AOAH: variants seen among roughly 807,000 people sequenced by gnomAD.
AOAH encodes acyloxyacyl hydrolase (neutrophil).
AOAH carries 64 observed loss-of-function variants against 92.2 expected under a neutral mutation model. That is an observed-to-expected ratio of 0.69 (90% confidence interval 0.57 to 0.86). The LOEUF is 0.86. Among genes scored for constraint, AOAH ranks in the 40% least tolerant of loss-of-function variants. The pLI, the probability that AOAH is intolerant of heterozygous loss-of-function variation, is 0.00. For missense variants in AOAH, 656 were observed against 694.6 expected (o/e 0.94, Z 0.62); for synonymous variants, 263 against 254.5 (o/e 1.03, Z -0.32).
chr7:36,644,817 A>C lies in AOAH; in HGVS notation c.391-6907T>G, dbSNP rs192777874. ...CCTTTGTTCACTTCACACATTTGAC[A>C]GCAGTGACAGATTCTCACAAAGGAG... On this transcript the variant is annotated intron_variant, in intron 4 of 20. Coordinates refer to ENST00000617537, the MANE Select transcript of AOAH (RefSeq NM_001637.4). Among the ~76,000 whole-genome samples, 98 of 151,560 alleles carry C rather than the reference A, an allele frequency of 6.5e-4. 2 individuals carry two copies. In the East Asian group the frequency reaches 0.015, roughly 23 times the overall value.
At chr7:36,547,812 G>A (rs894787703) in intron 15 of AOAH, among the ~76,000 whole-genome samples, 1 of 152,156 alleles carries the variant, frequency 6.6e-6, no homozygotes, top group African/African-American at 2.4e-5. Flanking sequence ...ACCAATACCA[G>A]CAGTTTAGCA....
intron 1 of AOAH, among the ~76,000 whole-genome samples, chr7:36,719,906 A>G (rs1301290549): frequency 6.6e-6 from 1 of 151,676 alleles, no homozygotes; most frequent in Non-Finnish European, 1.5e-5. Flanking sequence ...ACTGCACTGT[A>G]GCCTGGGTGA....
chr7:36,517,226 G>GTCTGTC (rs1783819609), intron 20 of AOAH, among the ~76,000 whole-genome samples: 1 of 121,454 alleles, frequency 8.2e-6, no homozygotes, highest in African/African-American at 4.2e-5. Context: ...CTTTCTTTCT[G>GTCTGTC]TCTCTCTCTC....
intron 15 of AOAH, among the ~76,000 whole-genome samples, chr7:36,543,947 C>CTTTCTTTTTTTTTTTT (rs55745823): frequency 1.9e-4 from 17 of 91,006 alleles, no homozygotes; most frequent in African/African-American, 2.6e-4. Context: ...TTCTTTCTTT[C>CTTTCTTTTTTTTTTTT]TTTTTTTTTT....
intron 12 of AOAH, among the ~76,000 whole-genome samples, chr7:36,591,799 G>A (rs116616977): frequency 0.011 from 1,692 of 152,326 alleles, 30 homozygotes; most frequent in African/African-American, 0.039. Context: ...GGAGCTAAGT[G>A]TGGGTCAAGT....
intron 3 of AOAH, among the ~76,000 whole-genome samples, chr7:36,659,619 G>C (rs1215576734): frequency 6.6e-6 from 1 of 152,194 alleles, no homozygotes; most frequent in East Asian, 1.9e-4. Context: ...ATATTTTGAA[G>C]TTTGGGCCTT....
intron 12 of AOAH, among the ~76,000 whole-genome samples, chr7:36,579,449 C>G (rs1489800282): frequency 2.0e-5 from 3 of 151,526 alleles, no homozygotes; most frequent in East Asian, 3.9e-4. Context: ...TGTTATACAA[C>G]AATAACATAA....
chr7:36,567,840 G>A lies in AOAH; in HGVS notation c.1021+8734C>T, dbSNP rs562468284. Among the ~76,000 whole-genome samples, 25 of 152,268 alleles carry A rather than the reference G, an allele frequency of 1.6e-4. No homozygotes were observed. In the South Asian group the frequency reaches 1.9e-3, roughly 11 times the overall value. On this transcript the variant is annotated intron_variant, in intron 13 of 20. Transcript: ENST00000617537. ...GCAGCAGGATGGACTGCTCCCTCAC[G>A]TCTACTCTTGTTAGGATATCTCCCA...
chr7:36,582,857 T>A (rs541075811), intron 12 of AOAH, among the ~76,000 whole-genome samples: 5 of 151,876 alleles, frequency 3.3e-5, no homozygotes, highest in African/African-American at 9.7e-5. Flanking sequence ...TGTCTTTTTT[T>A]TTTTTGAGAC....
At chr7:36,559,612 T>C (rs923926836) in intron 13 of AOAH, among the ~76,000 whole-genome samples, 2 of 152,184 alleles carry the variant, frequency 1.3e-5, no homozygotes, top group African/African-American at 4.8e-5. Context: ...TTTTTGCTTG[T>C]TCAATTGTTT....
In AOAH at chr7:36,548,662, G is replaced by A. The variant is rs771330994; in HGVS notation, c.1083C>T (p.Asp361=). 7 of 1,613,618 alleles carry A rather than the reference G, an allele frequency of 4.3e-6. No homozygotes were observed. The highest frequency in any genetic ancestry group is 1.7e-5 in the Admixed American group (1 of 59,990). The change falls in exon 15 of 21, where the codon GAC becomes GAT. Residue 361 remains aspartate, a synonymous_variant. Coordinates refer to ENST00000617537, the MANE Select transcript of AOAH (RefSeq NM_001637.4). ...TGGCATATATAACGATGGCGGGATA[G>A]TCCAACACCTTGTTTCTAGACAAGC... is the stretch of plus-strand genomic sequence containing the variant. ...IESLSRNKVL[D]YPAIVIYAMI... is the part of the protein sequence containing the mutation.
chr7:36,569,567 A>ATATCTATCTATC (rs56357618), intron 13 of AOAH, among the ~76,000 whole-genome samples: 156 of 143,392 alleles, frequency 1.1e-3, no homozygotes, highest in East Asian at 2.1e-3. Flanking sequence ...CCAGATTTAC[A>ATATCTATCTATC]TATCTATCTA....
At chr7:36,543,878 A>T (rs1445396482) in intron 15 of AOAH, among the ~76,000 whole-genome samples, 1 of 151,922 alleles carries the variant, frequency 6.6e-6, no homozygotes, top group Non-Finnish European at 1.5e-5. Context: ...CCCAGATGCC[A>T]TAGAAGGTGG....
chr7:36,579,088 G>A (rs754272380), intron 12 of AOAH, among the ~76,000 whole-genome samples: 1 of 152,112 alleles, frequency 6.6e-6, no homozygotes, highest in Non-Finnish European at 1.5e-5. Flanking sequence ...AGTACCAACA[G>A]GGATGGTGCT....
intron 18 of AOAH, 175 bp from the exon 19 acceptor site, chr7:36,530,689 T>C: frequency 1.8e-6 from 1 of 549,548 alleles, no homozygotes; most frequent in South Asian, 2.5e-5. Flanking sequence ...AAATGGCCAG[T>C]GAACATGAGA....
chr7:36,521,654 G>A (rs10269672), intron 20 of AOAH, among the ~76,000 whole-genome samples: 7 of 150,870 alleles, frequency 4.6e-5, no homozygotes, highest in South Asian at 2.1e-4. Flanking sequence ...AAAAATCCTC[G>A]TCATTTTCCT....
chr7:36,517,156 G>GTCTGTCTTTCTTTCTT lies in AOAH; in HGVS notation c.1600-3777_1600-3776insAAGAAAGAAAGACAGA, dbSNP rs1554360834. On this transcript the variant is annotated intron_variant, in intron 20 of 20. Coordinates refer to ENST00000617537, the MANE Select transcript of AOAH (RefSeq NM_001637.4). ...CCCTTTCCTCTCTTTATCCATGTTA[G>GTCTGTCTTTCTTTCTT]TCTTTCTTTCTTTCTTTCTTTCTTT... is the stretch of plus-strand genomic sequence containing the variant. 1.8e-3 allele frequency among the ~76,000 whole-genome samples: 169 copies of GTCTGTCTTTCTTTCTT among 95,496 alleles called. 1 individual carries two copies. The highest frequency in any genetic ancestry group is 5.2e-3 in the East Asian group (16 of 3,100). 62.6% of individuals were successfully genotyped at this position (95,496 alleles called of 152,430 possible). A position where few individuals can be genotyped will look rare whatever the true frequency, so the allele number is the denominator to read the frequency against.
At chr7:36,630,685 ATTTAGTTTATACTTAAAT>A (rs1279989996) in intron 6 of AOAH, among the ~76,000 whole-genome samples, 1 of 152,196 alleles carries the variant, frequency 6.6e-6, no homozygotes, top group Non-Finnish European at 1.5e-5. Context: ...CATAGGCATA[ATTTAGTTTATACTTAAAT>A]TTTAGATATG....
At chr7:36,556,143 A>T (rs1156356932) in intron 13 of AOAH, among the ~76,000 whole-genome samples, 1 of 151,090 alleles carries the variant, frequency 6.6e-6, no homozygotes, top group Admixed American at 6.6e-5. Context: ...TTCCCTCTAC[A>T]CACTGCTTTT....
Sources: gnomAD v4.1 joint callset for allele counts (sites outside exome capture counted in the v4.1 genomes callset) on GRCh38, gnomAD v4.1.1 for gene constraint, MANE v1.5 for transcripts, NCBI Gene and HGNC (gene_info 2026-07-23, HGNC 2026-07-21) for gene names.